PTPN1: variants seen among roughly 807,000 people sequenced by gnomAD.
PTPN1 encodes protein tyrosine phosphatase non-receptor type 1.
A neutral mutation model predicts 59.9 loss-of-function variants in PTPN1; 12 were observed. That is an observed-to-expected ratio of 0.20 (90% CI 0.13 to 0.32). PTPN1 has a LOEUF of 0.32. PTPN1 is among the 10% of genes least tolerant of loss of function. The pLI, the probability that PTPN1 is intolerant of heterozygous loss-of-function variation, is 1.00. For synonymous variants in PTPN1, 178 were observed against 203.6 expected, an observed-to-expected ratio of 0.87 and a Z score of 1.07; for missense variants, 356 against 549.2, an observed-to-expected ratio of 0.65 and a Z score of 3.52.
chr20:50,533,078 A>G (rs1018293503), intron 1 of PTPN1, among the ~76,000 whole-genome samples: 2 of 151,614 alleles, frequency 1.3e-5, no homozygotes, highest in Non-Finnish European at 2.9e-5. Context: ...TCTACAACTG[A>G]ATATCCTATC....
chr20:50,516,259 T>C (rs1280139394), intron 1 of PTPN1, among the ~76,000 whole-genome samples: 1 of 152,180 alleles, frequency 6.6e-6, no homozygotes, highest in Non-Finnish European at 1.5e-5. Context: ...GTAATGACAT[T>C]CTTTGGCCTT....
At chr20:50,529,900 A>C (rs1201359251) in intron 1 of PTPN1, among the ~76,000 whole-genome samples, 15 of 152,080 alleles carry the variant, frequency 9.9e-5, no homozygotes, top group Non-Finnish European at 1.5e-5. Flanking sequence ...TTTGAGACAG[A>C]GTCTTGCTCT....
intron 1 of PTPN1, among the ~76,000 whole-genome samples, chr20:50,524,575 T>TTTTTTTTTTTTG (rs2082565665): frequency 8.4e-6 from 1 of 118,896 alleles, no homozygotes; most frequent in Non-Finnish European, 1.8e-5. Context: ...TGGTCTTTTT[T>TTTTTTTTTTTTG]TTTTTTTTTT....
intron 4 of PTPN1, 120 bp from the exon 5 acceptor site, chr20:50,574,397 A>C (rs1042129124): frequency 9.5e-7 from 1 of 1,051,150 alleles, no homozygotes; most frequent in Non-Finnish European, 1.3e-6. Flanking sequence ...CATGGCTTCC[A>C]TGTTCAGAAA....
chr20:50,580,006 C>A, intron 8 of PTPN1, 80 bp downstream of exon 8: 1 of 1,316,332 alleles, frequency 7.6e-7, no homozygotes, highest in Non-Finnish European at 1.1e-6. Context: ...TACTGAAACC[C>A]TGTGGATGCA....
chr20:50,581,528 T>C, intron 9 of PTPN1, 68 bp downstream of exon 9: 1 of 1,500,660 alleles, frequency 6.7e-7, no homozygotes, highest in Non-Finnish European at 9.0e-7. Flanking sequence ...GCTAGCCCGA[T>C]GGTAGGATTC....
chr20:50,569,287 C>T (rs1161419931), intron 4 of PTPN1, among the ~76,000 whole-genome samples: 3 of 152,226 alleles, frequency 2.0e-5, no homozygotes, highest in Admixed American at 2.0e-4. Flanking sequence ...ACAGACCTCT[C>T]ACCACTCTTG....
chr20:50,557,655 T>A (rs1195913702), intron 1 of PTPN1: 3 of 152,300 alleles, frequency 2.0e-5, no homozygotes, highest in African/African-American at 7.2e-5. Flanking sequence ...ATTGACTTTT[T>A]AATTTTTTTC....
intron 1 of PTPN1, among the ~76,000 whole-genome samples, chr20:50,530,836 G>GT (rs2082597845): frequency 6.6e-6 from 1 of 152,072 alleles, no homozygotes; most frequent in Non-Finnish European, 1.5e-5. Flanking sequence ...TGAGACTACA[G>GT]GCATGTACCA....
intron 1 of PTPN1, among the ~76,000 whole-genome samples, chr20:50,522,841 C>T (rs2122725617): frequency 6.6e-6 from 1 of 152,218 alleles, no homozygotes; most frequent in Admixed American, 6.5e-5. Context: ...GTAACATCCG[C>T]CTCCCGAGTT....
chr20:50,526,849 A>G (rs2082578283), intron 1 of PTPN1, among the ~76,000 whole-genome samples: 2 of 152,146 alleles, frequency 1.3e-5, no homozygotes, highest in South Asian at 4.2e-4. Context: ...GCCCTGGAGC[A>G]GGCTCTTCCC....
At chr20:50,546,441 A>AT (rs2082676561) in intron 1 of PTPN1, among the ~76,000 whole-genome samples, 1 of 152,188 alleles carries the variant, frequency 6.6e-6, no homozygotes, top group South Asian at 2.1e-4. Context: ...ACTTCAAATA[A>AT]TTTTGGGCAT....
At chr20:50,514,360 G>A (rs959708817) in intron 1 of PTPN1, among the ~76,000 whole-genome samples, 8 of 152,194 alleles carry the variant, frequency 5.3e-5, no homozygotes. Flanking sequence ...GAATTTCACA[G>A]TGGAAATGAA....
chr20:50,561,614 T>C (rs1245806989), intron 2 of PTPN1, among the ~76,000 whole-genome samples, 161 bp downstream of exon 2: 2 of 152,150 alleles, frequency 1.3e-5, no homozygotes. Flanking sequence ...AGACTTATAG[T>C]AATAGCTCAT....
At chr20:50,576,327 T>C (rs1329193729) in intron 5 of PTPN1, among the ~76,000 whole-genome samples, 3 of 152,234 alleles carry the variant, frequency 2.0e-5, no homozygotes, top group African/African-American at 7.2e-5. Flanking sequence ...AGCTGTGCGC[T>C]TTTTGCTTGG....
rs1023141794 is a variant in PTPN1, at chr20:50,568,316, G to A, written c.256-64G>A. On this transcript the variant is annotated intron_variant, in intron 3 of 9. Coordinates refer to ENST00000371621, the MANE Select transcript of PTPN1 (RefSeq NM_002827.4). This position sits in a 1 kb window ranked among gnomAD's most constrained non-coding sequence, Gnocchi z 5.6. ...CGCTGTCGTTAGCTGACTGCAGAAGGTGAGCACACGCTGTAGCATGTTATG... is the reference window on the plus strand; with the variant it reads ...CGCTGTCGTTAGCTGACTGCAGAAGATGAGCACACGCTGTAGCATGTTATG... 3 of 1,438,166 alleles carry A rather than the reference G, an allele frequency of 2.1e-6. No homozygotes were observed. The highest frequency in any genetic ancestry group is 2.9e-6 in the Non-Finnish European group (3 of 1,020,576). 89.1% of individuals were successfully genotyped at this position (1,438,166 alleles called of 1,614,324 possible).
At chr20:50,529,149 C>T (rs147141073) in intron 1 of PTPN1, among the ~76,000 whole-genome samples, 2 of 152,204 alleles carry the variant, frequency 1.3e-5, no homozygotes, top group African/African-American at 4.8e-5. Flanking sequence ...GCCTCCATGC[C>T]CTGCACAGAC....
chr20:50,525,671 G>A (rs556984030), intron 1 of PTPN1, among the ~76,000 whole-genome samples: 10 of 150,392 alleles, frequency 6.6e-5, no homozygotes, highest in East Asian at 3.9e-4. Flanking sequence ...TCATTTAAAC[G>A]TCTGAAAGGG....
At chr20:50,564,413 G>A (rs1038404328) in intron 2 of PTPN1, among the ~76,000 whole-genome samples, 5 of 152,140 alleles carry the variant, frequency 3.3e-5, no homozygotes, top group Non-Finnish European at 2.9e-5. Flanking sequence ...GGCCAACATG[G>A]TGAAACCCCA....
Sources: gnomAD v4.1 joint callset for allele counts (sites outside exome capture counted in the v4.1 genomes callset) on GRCh38, gnomAD v4.1.1 for gene constraint, Gnocchi (gnomAD v3.1) non-coding constraint, MANE v1.5 for transcripts, NCBI Gene and HGNC (gene_info 2026-07-23, HGNC 2026-07-21) for gene names.